The following CUX2 variants were observed in gnomAD, a reference collection of about 807,000 sequenced individuals.
CUX2 encodes homeobox protein cut-like 2.
Under a neutral mutation model 144.8 loss-of-function variants are expected in CUX2, and 40 were observed. The ratio of observed to expected loss-of-function variants is 0.28; its 90% CI spans 0.21 to 0.36. CUX2 has a LOEUF of 0.36. CUX2 is among the 10% of genes least tolerant of loss of function. The pLI is 1.00. For missense variants in CUX2, 1,615 were observed against 1,994.0 expected (o/e 0.81, Z 3.62); for synonymous variants, 827 against 875.6 (o/e 0.94, Z 0.98).
intron 4 of CUX2, among the ~76,000 whole-genome samples, chr12:111,265,651 C>T (rs184201541): frequency 6.6e-6 from 1 of 152,200 alleles, no homozygotes; most frequent in Non-Finnish European, 1.5e-5. Context: ...CCAAAACTTT[C>T]CCTTGTTTTA....
chr12:111,127,019 C>G (rs1875126717), intron 1 of CUX2, among the ~76,000 whole-genome samples: 1 of 152,116 alleles, frequency 6.6e-6, no homozygotes, highest in African/African-American at 2.4e-5. Flanking sequence ...TAACAATATT[C>G]AAGTACCGTA....
In CUX2 at chr12:111,304,135, C is replaced by G; in HGVS notation, c.754-75C>G. 3 of 1,259,700 alleles carry G rather than the reference C, an allele frequency of 2.4e-6. No individual in the cohort carries two copies. 78.0% of individuals were successfully genotyped at this position (1,259,700 alleles called of 1,614,324 possible). A position where few individuals can be genotyped will look rare whatever the true frequency, so the allele number is the denominator to read the frequency against. ...CGGAGGTCTGCCTCCCCAACCCCTG[C>G]CTGAAACAGTGCAGGGAGAAGGTGG... On this transcript the variant is annotated intron_variant, in intron 9 of 21. Transcript: ENST00000261726. This position sits in a 1 kb window ranked among gnomAD's most constrained non-coding sequence, Gnocchi z 4.7.
At position 111,214,262 on chromosome 12, in the gene CUX2, T is replaced by A; in HGVS notation, c.126T>A (p.His42Gln). 6.2e-7 allele frequency: 1 copy of A among 1,609,482 alleles called. No homozygotes were observed. Residue 42 changes from histidine (H) to glutamine (Q), a missense_variant, in exon 2 of 22, where the codon CAT (histidine) becomes CAA (glutamine). Coordinates refer to ENST00000261726, the MANE Select transcript of CUX2 (RefSeq NM_015267.4). ...GGCAGGAGGAGAGTGAACATTCTCA[T>A]AAACATTTAATTGAACTCCGCCGGG... ...SARQEESEHS[H>Q]KHLIELRREF...
intron 1 of CUX2, among the ~76,000 whole-genome samples, chr12:111,167,861 A>G (rs1438244919): frequency 6.6e-6 from 1 of 151,912 alleles, no homozygotes; most frequent in East Asian, 1.9e-4. Context: ...CGCCCAGCTA[A>G]TTTTTGTATT....
chr12:111,147,944 C>T (rs1876801385), intron 1 of CUX2, among the ~76,000 whole-genome samples: 1 of 152,194 alleles, frequency 6.6e-6, no homozygotes, highest in Admixed American at 6.5e-5. Flanking sequence ...AGAAATACTG[C>T]TTCCAATACA....
chr12:111,316,480 A>T (rs11065862), intron 16 of CUX2, among the ~76,000 whole-genome samples: 40,727 of 121,534 alleles, frequency 0.34, 8,623 homozygotes, highest in East Asian at 0.83. Flanking sequence ...CAGAGTCTTT[A>T]GCTCTGTCGC....
intron 1 of CUX2, among the ~76,000 whole-genome samples, chr12:111,208,358 G>T (rs755932214): frequency 6.6e-6 from 1 of 152,092 alleles, no homozygotes; most frequent in Non-Finnish European, 1.5e-5. Flanking sequence ...ACAGATTCTA[G>T]CCCAAGGCTC....
intron 1 of CUX2, among the ~76,000 whole-genome samples, chr12:111,049,706 A>C (rs964478875): frequency 6.6e-6 from 1 of 152,224 alleles, no homozygotes; most frequent in Non-Finnish European, 1.5e-5. Context: ...GCCTGCCTTC[A>C]AGGAGACACC....
chr12:111,250,678 A>C (rs1359553377), intron 3 of CUX2, among the ~76,000 whole-genome samples: 2 of 152,154 alleles, frequency 1.3e-5, no homozygotes, highest in African/African-American at 4.8e-5. Context: ...AGGTGGCCCA[A>C]AAGACACACA....
intron 1 of CUX2, among the ~76,000 whole-genome samples, chr12:111,090,223 G>A (rs1358839463): frequency 6.6e-6 from 1 of 152,222 alleles, no homozygotes; most frequent in Non-Finnish European, 1.5e-5. Flanking sequence ...CATCTCAGGT[G>A]AGCGAGGTTT....
At chr12:111,180,428 A>G (rs978992958) in intron 1 of CUX2, among the ~76,000 whole-genome samples, 1 of 152,154 alleles carries the variant, frequency 6.6e-6, no homozygotes, top group African/African-American at 2.4e-5. Flanking sequence ...GACATGTGGC[A>G]TTCAAATCTT....
chr12:111,169,905 G>A (rs867629040), intron 1 of CUX2, among the ~76,000 whole-genome samples: 1 of 152,180 alleles, frequency 6.6e-6, no homozygotes, highest in Non-Finnish European at 1.5e-5. Flanking sequence ...AGGGTGGCAG[G>A]GAATGACTAT....
rs908452315 is a variant in CUX2 at position 111,348,459 on chromosome 12, G to A, written c.*134G>A. The A allele has an allele frequency of 1.4e-5, 12 of 863,358 alleles. No homozygotes were observed. Among genetic ancestry groups the A allele is most frequent in the East Asian group, 5.3e-5 (2 of 37,762 alleles). The allele number at this position is 863,358 out of a possible 1,614,324, so 53.5% of individuals were successfully genotyped here. On this transcript the variant is annotated 3_prime_UTR_variant, in exon 22 of 22. Coordinates refer to ENST00000261726, the MANE Select transcript of CUX2 (RefSeq NM_015267.4). The stretch of plus-strand genomic sequence containing the variant: ...TGGACAGCAATGTTATGCCGTTTAC[G>A]TTTTTTGTTGTAATCCTAGTTCTAT...
intron 21 of CUX2, among the ~76,000 whole-genome samples, chr12:111,342,542 G>A (rs1217156624): frequency 6.6e-6 from 1 of 152,048 alleles, no homozygotes; most frequent in African/African-American, 2.4e-5. Context: ...ACTTTCAGCT[G>A]TGGAGCCTTC....
chr12:111,162,612 G>T (rs1877850381), intron 1 of CUX2, among the ~76,000 whole-genome samples: 1 of 152,234 alleles, frequency 6.6e-6, no homozygotes, highest in Non-Finnish European at 1.5e-5. Context: ...AAGCTCTGTG[G>T]GTAATTGACT....
At chr12:111,128,237 T>C (rs926297900) in intron 1 of CUX2, among the ~76,000 whole-genome samples, 1 of 152,300 alleles carries the variant, frequency 6.6e-6, no homozygotes, top group East Asian at 1.9e-4. Context: ...AGTAAACAAC[T>C]AGGGGCACTG....
At chr12:111,330,728 T>TACATATAC (rs1377439848) in intron 18 of CUX2, among the ~76,000 whole-genome samples, 19 of 50,116 alleles carry the variant, frequency 3.8e-4, no homozygotes, top group Admixed American at 1.4e-3. Flanking sequence ...TATATATATA[T>TACATATAC]ATATATATAT....
At chr12:111,157,003 A>AAAAAAAC in intron 1 of CUX2, among the ~76,000 whole-genome samples, 3 of 150,846 alleles carry the variant, frequency 2.0e-5, no homozygotes, top group Non-Finnish European at 3.0e-5. Flanking sequence ...AAAAAAAAAA[A>AAAAAAAC]AAAAAACAGA....
chr12:111,344,402 A>T (rs1888708471), intron 21 of CUX2, among the ~76,000 whole-genome samples: 1 of 152,178 alleles, frequency 6.6e-6, no homozygotes, highest in African/African-American at 2.4e-5. Flanking sequence ...GACTTTACAG[A>T]AGTGGTATTT....
Sources: gnomAD v4.1 joint callset for allele counts (sites outside exome capture counted in the v4.1 genomes callset) on GRCh38, gnomAD v4.1.1 for gene constraint, Gnocchi (gnomAD v3.1) non-coding constraint, MANE v1.5 for transcripts, NCBI Gene and HGNC (gene_info 2026-07-23, HGNC 2026-07-21) for gene names.